Variants in ERP29 observed in about 807,000 individuals in gnomAD.
ERP29 encodes endoplasmic reticulum protein 29, also known as endoplasmic reticulum resident protein 29.
A neutral mutation model predicts 21.7 loss-of-function variants in ERP29; 14 were observed. The observed-to-expected ratio is 0.64, with a 90% CI of 0.43 to 1.01. ERP29 has a LOEUF of 1.01. ERP29 is among the 50% of genes least tolerant of loss of function. The pLI is 0.00. For missense variants in ERP29, 286 were observed against 327.3 expected (o/e 0.87, Z 0.97); for synonymous variants, 129 against 139.1 (o/e 0.93, Z 0.51).
chr12:112,017,361 G>C (rs766467107), intron 1 of ERP29, among the ~76,000 whole-genome samples: 2 of 152,188 alleles, frequency 1.3e-5, no homozygotes, highest in Admixed American at 6.5e-5. Flanking sequence ...GCAGGGTAAT[G>C]ATAGCAGGGT....
chr12:112,016,638 C>G (rs1251572380), intron 1 of ERP29, among the ~76,000 whole-genome samples: 2 of 152,202 alleles, frequency 1.3e-5, no homozygotes, highest in Non-Finnish European at 2.9e-5. Flanking sequence ...TAAGAGATAA[C>G]AGACCACTTC....
chr12:112,016,042 T>C (rs2078010061), intron 1 of ERP29, among the ~76,000 whole-genome samples: 1 of 152,246 alleles, frequency 6.6e-6, no homozygotes, highest in South Asian at 2.1e-4. Context: ...CTGTTTTATT[T>C]CTCCATACAG....
rs1565989644 is a variant in ERP29 at position 112,022,226 on chromosome 12, C to T, written c.360C>T (p.Leu120=). Residue 120 remains leucine, a synonymous_variant, in exon 3 of 3, where the codon CTC becomes CTT. Coordinates refer to ENST00000261735, the MANE Select transcript of ERP29 (RefSeq NM_006817.4). The part of the protein sequence containing the change: ...LDKESYPVFY[L]FRDGDFENPV... The stretch of plus-strand genomic sequence containing the variant: ...AAGAGAGCTACCCAGTCTTCTACCT[C>T]TTCCGGGATGGGGACTTTGAGAACC... 1 of 1,614,066 alleles carries T rather than the reference C, an allele frequency of 6.2e-7. No individual in the cohort carries two copies. Among genetic ancestry groups the T allele is most frequent in the Non-Finnish European group, 8.5e-7 (1 of 1,179,936 alleles).
In ERP29 at chr12:112,013,525, C is replaced by T. The variant is rs1424461291; in HGVS notation, c.60C>T (p.Gly20=). 2 of 1,612,968 alleles carry T rather than the reference C, an allele frequency of 1.2e-6. No homozygotes were observed. Among genetic ancestry groups the T allele is most frequent in the African/African-American group, 2.7e-5 (2 of 74,974 alleles). Residue 20 remains glycine (G), a synonymous_variant, in exon 1 of 3, where the codon GGC becomes GGT. Transcript: ENST00000261735. ...CCCCGCTGCTTCCCCTTCTCCTGGGCTTCCTGCTCCTCTCCGCTCCGCATG... is the reference window on the plus strand; with the variant it reads ...CCCCGCTGCTTCCCCTTCTCCTGGGTTTCCTGCTCCTCTCCGCTCCGCATG... ...FLSPLLPLLL[G]FLLLSAPHGG...
At chr12:112,013,837 T>C (rs1454561316) in intron 1 of ERP29, among the ~76,000 whole-genome samples, 4 of 152,254 alleles carry the variant, frequency 2.6e-5, no homozygotes, top group Non-Finnish European at 5.9e-5. Flanking sequence ...GCAGCATTTA[T>C]ACTTGCATCC....
chr12:112,014,776 GT>G (rs2077991935), intron 1 of ERP29: 1 of 152,276 alleles, frequency 6.6e-6, no homozygotes. Flanking sequence ...TGTACTCATT[GT>G]GGGGAAGTGA....
In ERP29 at chr12:112,022,224, C is replaced by G. The variant is rs146674309; in HGVS notation, c.358C>G (p.Leu120Val). ...LDKESYPVFYLFRDGDFENPV... is the reference protein window; with the variant it reads ...LDKESYPVFYVFRDGDFENPV... ...CAAAGAGAGCTACCCAGTCTTCTAC[C>G]TCTTCCGGGATGGGGACTTTGAGAA... is the stretch of plus-strand genomic sequence containing the variant. Residue 120 changes from leucine to valine, a missense_variant, in exon 3 of 3, where the codon CTC becomes GTC. Coordinates refer to ENST00000261735, the MANE Select transcript of ERP29 (RefSeq NM_006817.4). 6.2e-7 allele frequency: 1 copy of G among 1,614,108 alleles called. No individual in the cohort carries two copies. The highest frequency in any genetic ancestry group is 8.5e-7 in the Non-Finnish European group (1 of 1,179,964).
chr12:112,022,698 G>T lies in ERP29; in HGVS notation c.*46G>T. 6.4e-7 allele frequency: 1 copy of T among 1,552,448 alleles called. No homozygotes were observed. The highest frequency in any genetic ancestry group is 2.1e-4 in the Middle Eastern group (1 of 4,876). ...CAGGGTTTGGTGGGGGTAGGGAGGG[G>T]AGAGTTAACCTGCTGGCTGTGAGTC... On this transcript the variant is annotated 3_prime_UTR_variant, in exon 3 of 3. Coordinates refer to ENST00000261735, the MANE Select transcript of ERP29 (RefSeq NM_006817.4).
At chr12:112,016,925 A>G (rs768403879) in intron 1 of ERP29, among the ~76,000 whole-genome samples, 1 of 152,150 alleles carries the variant, frequency 6.6e-6, no homozygotes, top group Non-Finnish European at 1.5e-5. Flanking sequence ...TAAGATAACA[A>G]GAGAAAATTC....
chr12:112,020,923 T>G (rs1380816500), intron 2 of ERP29, among the ~76,000 whole-genome samples: 1 of 152,172 alleles, frequency 6.6e-6, no homozygotes, highest in Non-Finnish European at 1.5e-5. Context: ...AATTGTTAAG[T>G]GGCAGAACTA....
chr12:112,022,906 A>T lies in ERP29; in HGVS notation c.*254A>T, dbSNP rs1275398780. 2 of 483,756 alleles carry T rather than the reference A, an allele frequency of 4.1e-6. No homozygotes were observed. The highest frequency in any genetic ancestry group is 7.4e-6 in the Non-Finnish European group (2 of 270,822). The allele number at this position is 483,756 out of a possible 1,614,324, so 30.0% of individuals were successfully genotyped here. On this transcript the variant is annotated 3_prime_UTR_variant, in exon 3 of 3. Coordinates refer to ENST00000261735, the MANE Select transcript of ERP29 (RefSeq NM_006817.4). ...ACACCTCAGAAGGAATGAGTGCTAT[A>T]GAGAGGAGAGAGGAGTGTACTGCCC...
chr12:112,017,413 G>T (rs369778057), intron 1 of ERP29, among the ~76,000 whole-genome samples: 8 of 152,340 alleles, frequency 5.3e-5, no homozygotes, highest in African/African-American at 1.9e-4. Context: ...GATTGGAGGA[G>T]TCCCCAGTAG....
Position 112,022,411 on chromosome 12 carries a change from A to G in ERP29, c.545A>G (p.Lys182Arg), listed in dbSNP as rs147970597. ...GTGGAGGCCCGCCAGGCCCTCTTGAAGCAGGGGCAAGATAACCTCTCAAGT... is the reference window on the plus strand; with the variant it reads ...GTGGAGGCCCGCCAGGCCCTCTTGAGGCAGGGGCAAGATAACCTCTCAAGT... ...SGVEARQALL[K>R]QGQDNLSSVK... The change falls in exon 3 of 3, where the codon AAG (lysine) becomes AGG (arginine). Residue 182 changes from lysine to arginine, a missense_variant. Coordinates refer to ENST00000261735, the MANE Select transcript of ERP29 (RefSeq NM_006817.4). 0.015 allele frequency: 23,637 copies of G among 1,614,166 alleles called. 206 individuals carry two copies. The highest frequency in any genetic ancestry group is 0.017 in the Non-Finnish European group (20,477 of 1,179,998).
At position 112,022,945 on chromosome 12, in the gene ERP29, A is replaced by G. The variant is rs7114; in HGVS notation, c.*293A>G. 0.2 allele frequency: 61,461 copies of G among 300,164 alleles called. 12,072 individuals carry two copies. Among genetic ancestry groups the G allele is most frequent in the East Asian group, 0.83 (14,325 of 17,286 alleles). 18.6% of individuals were successfully genotyped at this position (300,164 alleles called of 1,614,324 possible). A position where few individuals can be genotyped will look rare whatever the true frequency, so the allele number is the denominator to read the frequency against. On this transcript the variant is annotated 3_prime_UTR_variant, in exon 3 of 3. Coordinates refer to ENST00000261735, the MANE Select transcript of ERP29 (RefSeq NM_006817.4). The stretch of plus-strand genomic sequence containing the variant: ...AGTGTACTGCCCAGGTCTTTGACAG[A>G]TGTAATTCTCATTCAATTAAAGTTT...
chr12:112,014,769 A>T (rs923356545), intron 1 of ERP29: 4 of 152,178 alleles, frequency 2.6e-5, no homozygotes, highest in Non-Finnish European at 5.9e-5. Flanking sequence ...CAGGTTTTGT[A>T]CTCATTGTGG....
intron 1 of ERP29, among the ~76,000 whole-genome samples, chr12:112,018,125 CT>C (rs1313178042): frequency 6.6e-6 from 1 of 151,768 alleles, no homozygotes; most frequent in African/African-American, 2.4e-5. Context: ...ATTATGTCAG[CT>C]TGACATAATT....
chr12:112,017,490 A>AT (rs1555230122), intron 1 of ERP29, among the ~76,000 whole-genome samples: 1 of 152,230 alleles, frequency 6.6e-6, no homozygotes, highest in Non-Finnish European at 1.5e-5. Flanking sequence ...GGGAAAGGAC[A>AT]TTCCAGCCAG....
intron 1 of ERP29, chr12:112,014,963 C>G (rs967019767): frequency 7.2e-5 from 11 of 152,244 alleles, no homozygotes; most frequent in African/African-American, 2.2e-4. Flanking sequence ...GCGGGTAGAT[C>G]ACCTGAGGTC....
At chr12:112,020,440 T>C (rs529371448) in intron 2 of ERP29, among the ~76,000 whole-genome samples, 94 of 152,192 alleles carry the variant, frequency 6.2e-4, no homozygotes, top group African/African-American at 2.0e-3. Flanking sequence ...GAACTCTGCC[T>C]GAGAAGCAAG....
Sources: allele counts gnomAD v4.1 joint callset (sites outside exome capture counted in the v4.1 genomes callset), GRCh38; gene constraint gnomAD v4.1.1; transcripts MANE v1.5; gene names NCBI Gene and HGNC (gene_info 2026-07-23, HGNC 2026-07-21).